CNOT6L: variants seen among roughly 807,000 people sequenced by gnomAD.
The protein encoded by CNOT6L is CCR4-NOT transcription complex subunit 6-like.
Under a neutral mutation model 64.0 loss-of-function variants are expected in CNOT6L, and 7 were observed. The ratio of observed to expected loss-of-function variants is 0.11; its 90% CI spans 0.06 to 0.21. The LOEUF (loss-of-function observed/expected upper bound fraction) is 0.21, where lower values mean the gene tolerates loss of function less well. Among genes scored for constraint, CNOT6L ranks in the 10% least tolerant of loss-of-function variants. CNOT6L has a pLI of 1.00. For synonymous variants in CNOT6L, 193 were observed against 243.4 expected (o/e 0.79, Z 1.93); for missense variants, 245 against 669.0 (o/e 0.37, Z 6.99).
chr4:77,787,727 G>A (rs11097935), intron 1 of CNOT6L, among the ~76,000 whole-genome samples: 131,330 of 152,220 alleles, frequency 0.86, 56,890 homozygotes, highest in Non-Finnish European at 0.9. Context: ...TGATGACAAT[G>A]ATCACCATCA....
intron 4 of CNOT6L, among the ~76,000 whole-genome samples, chr4:77,764,395 A>G (rs1726574946): frequency 6.6e-6 from 1 of 152,224 alleles, no homozygotes; most frequent in Admixed American, 6.5e-5. Context: ...TCCCATTTAA[A>G]AAGAGAAAAG....
rs1412967043 is a variant in CNOT6L at position 77,718,511 on chromosome 4, A to G, written c.*1920T>C. 3.3e-5 allele frequency: 5 copies of G among 152,584 alleles called. No homozygotes were observed. In the South Asian group the frequency reaches 1.0e-3, roughly 32 times the overall value. The allele number at this position is 152,584 out of a possible 1,614,324, so 9.5% of individuals were successfully genotyped here. A position where few individuals can be genotyped will look rare whatever the true frequency, so the allele number is the denominator to read the frequency against. The stretch of plus-strand genomic sequence containing the variant: ...TGTTTGTTTATCCTGGTACTTTAAC[A>G]TTTTTAAAAGATATTTTATTTACAT... On this transcript the variant is annotated 3_prime_UTR_variant, in exon 12 of 12. Transcript: ENST00000504123.
chr4:77,779,046 C>CAAAAAAAAAAAAAAAAA (rs747920305), intron 1 of CNOT6L, among the ~76,000 whole-genome samples: 8 of 67,126 alleles, frequency 1.2e-4, no homozygotes, highest in Non-Finnish European at 2.0e-4. Flanking sequence ...GACTCTGTCT[C>CAAAAAAAAAAAAAAAAA]AAAAAAAAAA....
intron 1 of CNOT6L, among the ~76,000 whole-genome samples, chr4:77,793,513 T>G (rs2110116128): frequency 6.6e-6 from 1 of 152,298 alleles, no homozygotes. Flanking sequence ...CAGTGGGATT[T>G]AACCCAAGCA....
rs7667418 is a variant in CNOT6L, at chr4:77,717,587, C to A, written c.*2844G>T. 2.1e-3 allele frequency: 314 copies of A among 152,406 alleles called. 3 individuals carry two copies. Among genetic ancestry groups the A allele is most frequent in the Middle Eastern group, 0.01 (3 of 294 alleles). 9.4% of individuals were successfully genotyped at this position (152,406 alleles called of 1,614,324 possible). ...TATATGAGCATATATATTTTACTTT[C>A]ATTGAATATATATATATATATGTCA... On this transcript the variant is annotated 3_prime_UTR_variant, in exon 12 of 12. Coordinates refer to ENST00000504123, the MANE Select transcript of CNOT6L (RefSeq NM_144571.3).
chr4:77,802,501 C>T (rs1731700983), intron 1 of CNOT6L, among the ~76,000 whole-genome samples: 1 of 152,196 alleles, frequency 6.6e-6, no homozygotes, highest in Non-Finnish European at 1.5e-5. Context: ...AGACAGTACT[C>T]ATCCCACATG....
intron 5 of CNOT6L, among the ~76,000 whole-genome samples, chr4:77,754,533 G>T (rs939072441): frequency 3.3e-5 from 5 of 151,888 alleles, no homozygotes; most frequent in African/African-American, 1.2e-4. Flanking sequence ...TTTTAGAGAG[G>T]GGAGAGATTT....
At position 77,726,033 on chromosome 4, in the gene CNOT6L, A is replaced by G. The variant is rs1560572442; in HGVS notation, c.1455+134T>C. 6 of 768,334 alleles carry G rather than the reference A, an allele frequency of 7.8e-6. No homozygotes were observed. The East Asian group carries it at 1.3e-4, about 16-fold the overall frequency. The allele number at this position is 768,334 out of a possible 1,614,324, so 47.6% of individuals were successfully genotyped here. A position where few individuals can be genotyped will look rare whatever the true frequency, so the allele number is the denominator to read the frequency against. On this transcript the variant is annotated intron_variant, in intron 11 of 11. Transcript: ENST00000504123. ...AATAAACCTACTTATATTTAGGTGC[A>G]TACTTAGCCTAGACATTTTAAGAAT...
At position 77,786,483 on chromosome 4, in the gene CNOT6L, AT is replaced by A. The variant is rs548714808; in HGVS notation, c.6-10092del. Among the ~76,000 whole-genome samples the A allele has an allele frequency of 5.5e-4, 84 of 151,714 alleles. 1 individual carries two copies. The highest frequency in any genetic ancestry group is 1.9e-3 in the South Asian group (9 of 4,798). ...GAAAATAAAAGTAAATTAAAAAAAAATTTTTTTTGAGACAGGGTCTTACTCT... is the reference window on the plus strand; with the variant it reads ...GAAAATAAAAGTAAATTAAAAAAAAATTTTTTTGAGACAGGGTCTTACTCT... On this transcript the variant is annotated intron_variant, in intron 1 of 11. Coordinates refer to ENST00000504123, the MANE Select transcript of CNOT6L (RefSeq NM_144571.3).
intron 2 of CNOT6L, 102 bp from the exon 3 acceptor site, chr4:77,774,818 G>T: frequency 1.6e-6 from 1 of 634,824 alleles, no homozygotes; most frequent in Non-Finnish European, 2.5e-6. Flanking sequence ...AAATACACAT[G>T]GATATTGTAT....
intron 1 of CNOT6L, among the ~76,000 whole-genome samples, chr4:77,815,176 A>G (rs1487242562): frequency 1.3e-5 from 2 of 152,208 alleles, no homozygotes; most frequent in Admixed American, 1.3e-4. Context: ...GTTTCCTATG[A>G]AACTATACCC....
intron 4 of CNOT6L, among the ~76,000 whole-genome samples, chr4:77,760,713 A>C (rs1454045627): frequency 6.6e-6 from 1 of 151,720 alleles, no homozygotes; most frequent in African/African-American, 2.4e-5. Flanking sequence ...AAAGACAGTA[A>C]AAGGAAAGGA....
chr4:77,727,055 T>C (rs1721932785), intron 10 of CNOT6L, among the ~76,000 whole-genome samples: 1 of 152,198 alleles, frequency 6.6e-6, no homozygotes, highest in Admixed American at 6.5e-5. Flanking sequence ...TGATGATTAG[T>C]GCACTGTTAG....
intron 1 of CNOT6L, among the ~76,000 whole-genome samples, chr4:77,805,705 A>T (rs1732137048): frequency 1.3e-5 from 2 of 152,228 alleles, no homozygotes; most frequent in Admixed American, 1.3e-4. Context: ...CAATATAACA[A>T]GTTCCTTTCA....
At chr4:77,744,907 C>G (rs760003560) in intron 6 of CNOT6L, 32 bp from the exon 7 acceptor site, 2 of 1,569,920 alleles carry the variant, frequency 1.3e-6, no homozygotes, top group South Asian at 2.4e-5. Context: ...AACAGACAAA[C>G]GGGAGAAAAT....
intron 11 of CNOT6L, among the ~76,000 whole-genome samples, chr4:77,722,196 C>A (rs1721353123): frequency 6.6e-6 from 1 of 152,106 alleles, no homozygotes; most frequent in African/African-American, 2.4e-5. Context: ...CCTTATGAGA[C>A]AACTTTTTGC....
chr4:77,819,811 C>T (rs984925316), upstream of CNOT6L, among the ~76,000 whole-genome samples: 2 of 151,064 alleles, frequency 1.3e-5, no homozygotes, highest in Non-Finnish European at 3.0e-5. Flanking sequence ...GAGGCGGCGG[C>T]GCGGAAGGCG....
intron 4 of CNOT6L, among the ~76,000 whole-genome samples, chr4:77,761,932 T>C (rs911562182): frequency 4.6e-5 from 7 of 152,178 alleles, no homozygotes; most frequent in Non-Finnish European, 1.0e-4. Context: ...TTGTATTTAA[T>C]TCTATACAAT....
chr4:77,756,819 A>G (rs947678252), intron 5 of CNOT6L, 43 bp downstream of exon 5: 3 of 1,230,104 alleles, frequency 2.4e-6, no homozygotes, highest in Non-Finnish European at 3.5e-6. Context: ...CTAGTTCATA[A>G]TATCTGTAGA....
Sources: allele counts gnomAD v4.1 joint callset (sites outside exome capture counted in the v4.1 genomes callset), GRCh38; gene constraint gnomAD v4.1.1; transcripts MANE v1.5; gene names NCBI Gene and HGNC (gene_info 2026-07-23, HGNC 2026-07-21).